Variants in GABBR2 observed in about 807,000 individuals in gnomAD.
The protein encoded by GABBR2 is gamma-aminobutyric acid type B receptor subunit 2.
A neutral mutation model predicts 105.6 loss-of-function variants in GABBR2; 23 were observed. The ratio of observed to expected loss-of-function variants is 0.22; its 90% CI spans 0.16 to 0.31. The LOEUF is 0.31. Ranked by LOEUF, GABBR2 falls within the 10% of genes least tolerant of loss-of-function variation. The probability of loss-of-function intolerance (pLI) is 1.00; values close to 1 mark genes in which losing one functional copy is unlikely to be tolerated. For synonymous variants in GABBR2, 478 were observed against 499.7 expected (o/e 0.96, Z 0.58); for missense variants, 734 against 1,245.5 (o/e 0.59, Z 6.18).
intron 1 of GABBR2, among the ~76,000 whole-genome samples, chr9:98,619,501 C>T (rs1039003532): frequency 7.2e-5 from 11 of 152,254 alleles, no homozygotes; most frequent in African/African-American, 2.4e-4. Context: ...CCAACATTTA[C>T]CCAAGTCAAT....
chr9:98,539,024 C>A (rs189980271), intron 3 of GABBR2, among the ~76,000 whole-genome samples: 3 of 152,182 alleles, frequency 2.0e-5, no homozygotes, highest in African/African-American at 7.2e-5. Context: ...CTGAGGGCCC[C>A]GACACGGCTG....
At chr9:98,625,810 G>A (rs1829729416) in intron 1 of GABBR2, among the ~76,000 whole-genome samples, 1 of 152,208 alleles carries the variant, frequency 6.6e-6, no homozygotes, top group African/African-American at 2.4e-5. Context: ...CATCCTCAGA[G>A]CACCTCAAGA....
At chr9:98,505,457 T>TGTGTGTGTGC (rs57918974) in intron 3 of GABBR2, among the ~76,000 whole-genome samples, 20 of 149,300 alleles carry the variant, frequency 1.3e-4, no homozygotes, top group African/African-American at 4.7e-4. Flanking sequence ...TGTGTGTGTG[T>TGTGTGTGTGC]GCATGTGCGT....
At chr9:98,591,601 C>A (rs929850557) in intron 1 of GABBR2, among the ~76,000 whole-genome samples, 9 of 152,152 alleles carry the variant, frequency 5.9e-5, no homozygotes, top group African/African-American at 2.2e-4. Context: ...TGGCAAGCAA[C>A]TTGGCCTAGC....
At chr9:98,363,769 A>G (rs781631417) in intron 12 of GABBR2, among the ~76,000 whole-genome samples, 19 of 152,104 alleles carry the variant, frequency 1.2e-4, no homozygotes, top group Non-Finnish European at 2.2e-4. Flanking sequence ...GCAGCCTGGG[A>G]TATTTTTATT....
intron 7 of GABBR2, among the ~76,000 whole-genome samples, chr9:98,430,056 G>A (rs1385220949): frequency 2.7e-5 from 4 of 150,932 alleles, no homozygotes; most frequent in African/African-American, 7.3e-5. Flanking sequence ...GGAGGCCGAG[G>A]CGGGTGGATC....
chr9:98,606,921 A>G, intron 1 of GABBR2: 1 of 669,368 alleles, frequency 1.5e-6, no homozygotes, highest in South Asian at 1.6e-5. Flanking sequence ...AGGCATTCAG[A>G]CCTAAGAATC....
rs983762930 is a variant in GABBR2, at chr9:98,578,484, A to C, written c.322-412T>G. On this transcript the variant is annotated intron_variant, in intron 1 of 18. Coordinates refer to ENST00000259455, the MANE Select transcript of GABBR2 (RefSeq NM_005458.8). ...ACAAGTATTGGCAAGGGTGTGGAGA[A>C]ACTGGAACTGCTGTGCCCTATTAGT... is the stretch of plus-strand genomic sequence containing the variant. Among the ~76,000 whole-genome samples, 9 of 152,130 alleles carry C rather than the reference A, an allele frequency of 5.9e-5. 1 individual carries two copies. Among genetic ancestry groups the C allele is most frequent in the Non-Finnish European group, 1.3e-4 (9 of 68,034 alleles).
chr9:98,324,913 G>A (rs1176044913), intron 13 of GABBR2, among the ~76,000 whole-genome samples: 1 of 151,924 alleles, frequency 6.6e-6, no homozygotes, highest in African/African-American at 2.4e-5. Context: ...ATATAGAAAT[G>A]AACCTATAAA....
intron 7 of GABBR2, among the ~76,000 whole-genome samples, chr9:98,421,415 A>G (rs1326014827): frequency 6.6e-6 from 1 of 152,246 alleles, no homozygotes; most frequent in Non-Finnish European, 1.5e-5. Context: ...CTATTCCATT[A>G]GTAAGGAACT....
At chr9:98,360,527 C>T (rs1324184550) in intron 13 of GABBR2, among the ~76,000 whole-genome samples, 1 of 151,896 alleles carries the variant, frequency 6.6e-6, no homozygotes, top group Non-Finnish European at 1.5e-5. Context: ...CTGGATAGCA[C>T]CTTTCCAGGC....
At chr9:98,345,924 T>C (rs951977221) in intron 13 of GABBR2, among the ~76,000 whole-genome samples, 7 of 152,364 alleles carry the variant, frequency 4.6e-5, no homozygotes, top group African/African-American at 1.4e-4. Context: ...GTTGACACTA[T>C]ACAGTATTCT....
chr9:98,316,737 C>A (rs770304913), intron 13 of GABBR2, among the ~76,000 whole-genome samples: 1 of 152,118 alleles, frequency 6.6e-6, no homozygotes, highest in African/African-American at 2.4e-5. Context: ...TCATGAGTGA[C>A]AATGATGTGC....
intron 7 of GABBR2, among the ~76,000 whole-genome samples, chr9:98,449,737 C>T (rs886328881): frequency 6.6e-6 from 1 of 152,112 alleles, no homozygotes; most frequent in African/African-American, 2.4e-5. Context: ...TTTAAATAGC[C>T]AATTCTAGCC....
intron 10 of GABBR2, among the ~76,000 whole-genome samples, chr9:98,387,364 T>C (rs186521381): frequency 1.9e-4 from 29 of 152,306 alleles, no homozygotes; most frequent in African/African-American, 6.5e-4. Context: ...ATGGGGCAAC[T>C]TGCTGTCCTG....
At chr9:98,624,790 G>C (rs74815557) in intron 1 of GABBR2, among the ~76,000 whole-genome samples, 1,844 of 152,326 alleles carry the variant, frequency 0.012, 20 homozygotes, top group Middle Eastern at 0.027. Context: ...GAGAATCAGT[G>C]GTGGGCCAGG....
rs1343810246 is a variant in GABBR2, at chr9:98,290,285, T to G, written c.*299A>C. The G allele has an allele frequency of 8.7e-5, 14 of 160,150 alleles. No homozygotes were observed. The highest frequency in any genetic ancestry group is 3.5e-4 in the African/African-American group (7 of 19,806). 9.9% of individuals were successfully genotyped at this position (160,150 alleles called of 1,614,324 possible). ...AGTTTTTTTGTTTTTTTTTTTTTTT[T>G]TTTTTTTTTGCAAGTTTGATATCCC... On this transcript the variant is annotated 3_prime_UTR_variant, in exon 19 of 19. Transcript: ENST00000259455.
At chr9:98,292,575 T>A (rs146167906) in intron 18 of GABBR2, among the ~76,000 whole-genome samples, 1 of 152,326 alleles carries the variant, frequency 6.6e-6, no homozygotes, top group East Asian at 1.9e-4. Flanking sequence ...GTGTTGGAGA[T>A]CTCATTCTGA....
At chr9:98,575,768 G>C (rs1372168382) in intron 2 of GABBR2, among the ~76,000 whole-genome samples, 1 of 152,136 alleles carries the variant, frequency 6.6e-6, no homozygotes, top group Admixed American at 6.5e-5. Flanking sequence ...TTGTGGTTAG[G>C]TTTGCACCAG....
Sources: allele counts gnomAD v4.1 joint callset (sites outside exome capture counted in the v4.1 genomes callset), GRCh38; gene constraint gnomAD v4.1.1; transcripts MANE v1.5; gene names NCBI Gene and HGNC (gene_info 2026-07-23, HGNC 2026-07-21).